Variants in PARN observed in about 807,000 individuals in gnomAD.
PARN encodes poly(A)-specific ribonuclease, also known as poly(A)-specific ribonuclease PARN.
Under a neutral mutation model 102.8 loss-of-function variants are expected in PARN, and 71 were observed. The ratio of observed to expected loss-of-function variants is 0.69; its 90% CI spans 0.57 to 0.84. The LOEUF (loss-of-function observed/expected upper bound fraction) is 0.84, where lower values mean the gene tolerates loss of function less well. PARN is among the 40% of genes least tolerant of loss of function. PARN has a pLI of 0.00. For missense variants in PARN, 782 were observed against 760.9 expected (o/e 1.03, Z -0.33); for synonymous variants, 261 against 252.9 (o/e 1.03, Z -0.30).
At chr16:14,475,493 C>A (rs1215322164) in intron 22 of PARN, among the ~76,000 whole-genome samples, 1 of 152,214 alleles carries the variant, frequency 6.6e-6, no homozygotes, top group Non-Finnish European at 1.5e-5. Context: ...GAACCCAAGC[C>A]CTCTCTTTTT....
At chr16:14,459,002 C>T (rs1000286596) in intron 22 of PARN, among the ~76,000 whole-genome samples, 3 of 151,818 alleles carry the variant, frequency 2.0e-5, no homozygotes, top group Admixed American at 1.3e-4. Flanking sequence ...GGTTTGTATC[C>T]CCCAAGCTGA....
At chr16:14,515,118 TC>T (rs1406325957) in intron 21 of PARN, among the ~76,000 whole-genome samples, 1 of 152,146 alleles carries the variant, frequency 6.6e-6, no homozygotes, top group Non-Finnish European at 1.5e-5. Context: ...TTCACCAAAT[TC>T]CAGAACATAT....
chr16:14,553,776 T>G (rs770572082), intron 20 of PARN, among the ~76,000 whole-genome samples: 1 of 152,242 alleles, frequency 6.6e-6, no homozygotes, highest in Non-Finnish European at 1.5e-5. Context: ...AAATTATTTA[T>G]GCTTAGCCAC....
intron 18 of PARN, among the ~76,000 whole-genome samples, chr16:14,567,578 T>C (rs889455605): frequency 6.6e-6 from 1 of 152,130 alleles, no homozygotes; most frequent in African/African-American, 2.4e-5. Flanking sequence ...CACATTAATA[T>C]AAAATTAAAG....
intron 21 of PARN, among the ~76,000 whole-genome samples, chr16:14,509,293 TTGGCAACATCACCACTAAGC>T (rs1175837516): frequency 1.3e-5 from 2 of 152,248 alleles, no homozygotes; most frequent in East Asian, 1.9e-4. Context: ...AGATAATCTC[TTGGCAACATCACCACTAAGC>T]TGGCCCTGCT....
At chr16:14,567,833 T>G (rs564837378) in intron 18 of PARN, among the ~76,000 whole-genome samples, 10 of 152,278 alleles carry the variant, frequency 6.6e-5, no homozygotes, top group African/African-American at 2.4e-4. Flanking sequence ...TCAACACAAA[T>G]TAGTGCAAAT....
intron 21 of PARN, among the ~76,000 whole-genome samples, chr16:14,528,599 G>A (rs542791599): frequency 1.6e-4 from 25 of 152,282 alleles, no homozygotes; most frequent in Admixed American, 9.1e-4. Context: ...TTTATTGTCT[G>A]GATTTCTGAA....
At chr16:14,495,905 A>G (rs1278841664) in intron 21 of PARN, among the ~76,000 whole-genome samples, 3 of 152,064 alleles carry the variant, frequency 2.0e-5, no homozygotes, top group Non-Finnish European at 4.4e-5. Flanking sequence ...TCCTCTGAAG[A>G]GGGGTCGAGG....
intron 21 of PARN, among the ~76,000 whole-genome samples, chr16:14,492,687 T>C (rs560629916): frequency 1.4e-4 from 21 of 152,282 alleles, no homozygotes; most frequent in African/African-American, 4.6e-4. Context: ...AGTTCTCCAA[T>C]TGAGGCCACG....
At chr16:14,567,345 A>G (rs1426949273) in intron 18 of PARN, among the ~76,000 whole-genome samples, 1 of 152,160 alleles carries the variant, frequency 6.6e-6, no homozygotes, top group African/African-American at 2.4e-5. Context: ...TGACTCCAAA[A>G]TTTACACAAT....
At chr16:14,516,363 G>A (rs971171678) in intron 21 of PARN, among the ~76,000 whole-genome samples, 5 of 151,966 alleles carry the variant, frequency 3.3e-5, no homozygotes, top group African/African-American at 1.2e-4. Flanking sequence ...ACCAAAAAAG[G>A]CTCAATATTG....
chr16:14,444,621 GAA>G (rs1260144545), intron 23 of PARN, among the ~76,000 whole-genome samples: 1 of 152,168 alleles, frequency 6.6e-6, no homozygotes, highest in African/African-American at 2.4e-5. Context: ...AAAAAATCCA[GAA>G]GAGACAGCTA....
In PARN at chr16:14,549,856, T is replaced by C. The variant is rs915709108; in HGVS notation, c.1480+2165A>G. Among the ~76,000 whole-genome samples the C allele has an allele frequency of 2.6e-5, 4 of 152,200 alleles. No individual in the cohort carries two copies. In the East Asian group the frequency reaches 5.8e-4, roughly 22 times the overall value. ...TCTCATTTCATCCTCACAACAATCA[T>C]GCCAAGTAACTATTATCTCCCTCTT... On this transcript the variant is annotated intron_variant, in intron 21 of 23. Coordinates refer to ENST00000437198, the MANE Select transcript of PARN (RefSeq NM_002582.4).
intron 21 of PARN, among the ~76,000 whole-genome samples, chr16:14,536,857 TAG>T (rs1190791283): frequency 6.6e-6 from 1 of 152,126 alleles, no homozygotes; most frequent in Non-Finnish European, 1.5e-5. Flanking sequence ...AAGAAAACAT[TAG>T]ACAAATGCTA....
chr16:14,470,170 T>C (rs1962632963), intron 22 of PARN, among the ~76,000 whole-genome samples: 1 of 152,140 alleles, frequency 6.6e-6, no homozygotes, highest in African/African-American at 2.4e-5. Context: ...TATAAGGTGA[T>C]GTTAAACTTA....
intron 5 of PARN, 97 bp from the exon 6 acceptor site, chr16:14,617,747 T>C: frequency 1.3e-6 from 1 of 769,900 alleles, no homozygotes; most frequent in South Asian, 1.4e-5. Flanking sequence ...ACAAAGACAA[T>C]ATGGGAAGGA....
chr16:14,584,939 G>C lies in PARN; in HGVS notation c.963-148C>G, dbSNP rs1969752172. 3 of 574,002 alleles carry C rather than the reference G, an allele frequency of 5.2e-6. No homozygotes were observed. In the Admixed American group the frequency reaches 1.1e-4, roughly 22 times the overall value. 35.6% of individuals were successfully genotyped at this position (574,002 alleles called of 1,614,324 possible). ...TTAATACAGAAAATACTTAAACACAGACAAAGTAATTAAACACATTGGCCA... is the reference window on the plus strand; with the variant it reads ...TTAATACAGAAAATACTTAAACACACACAAAGTAATTAAACACATTGGCCA... On this transcript the variant is annotated intron_variant, in intron 14 of 23. Coordinates refer to ENST00000437198, the MANE Select transcript of PARN (RefSeq NM_002582.4).
In PARN at chr16:14,484,166, G is replaced by T. The variant is rs141173854; in HGVS notation, c.1481-1339C>A. ...ATTCTCCGTAATGCGCCTCTGGCTG[G>T]CAGCAGTACTTGAACACTGGGGCTT... On this transcript the variant is annotated intron_variant, in intron 21 of 23. Coordinates refer to ENST00000437198, the MANE Select transcript of PARN (RefSeq NM_002582.4). Among the ~76,000 whole-genome samples the T allele has an allele frequency of 8.1e-4, 123 of 152,298 alleles. 2 individuals carry two copies. The East Asian group carries it at 0.019, about 24-fold the overall frequency.
chr16:14,460,404 C>T (rs1272944331), intron 22 of PARN, among the ~76,000 whole-genome samples: 1 of 152,136 alleles, frequency 6.6e-6, no homozygotes, highest in East Asian at 1.9e-4. Context: ...AAACTACAGC[C>T]AGTCCTTGCT....
Sources: gnomAD v4.1 joint callset for allele counts (sites outside exome capture counted in the v4.1 genomes callset) on GRCh38, gnomAD v4.1.1 for gene constraint, MANE v1.5 for transcripts, NCBI Gene and HGNC (gene_info 2026-07-23, HGNC 2026-07-21) for gene names.